The following RNASEH1 variants were observed in gnomAD, a reference collection of about 807,000 sequenced individuals.
RNASEH1 encodes ribonuclease H type II.
A neutral mutation model predicts 34.6 loss-of-function variants in RNASEH1; 27 were observed. The ratio of observed to expected loss-of-function variants is 0.78; its 90% CI spans 0.58 to 1.08. The LOEUF (loss-of-function observed/expected upper bound fraction) is 1.08, where lower values mean the gene tolerates loss of function less well. Ranked by LOEUF, RNASEH1 falls within the 50% of genes least tolerant of loss-of-function variation. The probability of loss-of-function intolerance (pLI) is 0.00; values close to 1 mark genes in which losing one functional copy is unlikely to be tolerated. For missense variants in RNASEH1, 349 were observed against 373.6 expected, an observed-to-expected ratio of 0.93 and a Z score of 0.54; for synonymous variants, 162 against 138.4, an observed-to-expected ratio of 1.17 and a Z score of -1.20.
Position 3,543,798 on chromosome 2 carries a change from G to A in RNASEH1, c.*1987C>T, listed in dbSNP as rs1447516867. On this transcript the variant is annotated 3_prime_UTR_variant, in exon 8 of 8. Transcript: ENST00000315212. ...CCTGATTTTATTTTAATTTTCTGTA[G>A]AGACAGGGTGTCACTATGTTGCCCA... Among the ~76,000 whole-genome samples the A allele has an allele frequency of 2.0e-5, 3 of 152,036 alleles. No homozygotes were observed. Among genetic ancestry groups the A allele is most frequent in the Non-Finnish European group, 2.9e-5 (2 of 68,026 alleles).
rs200628824 is a variant in RNASEH1 at position 3,552,266 on chromosome 2, C to T, written c.287G>A (p.Ser96Asn). The change falls in exon 3 of 8, where the codon AGC (serine) becomes AAC (asparagine). Residue 96 changes from serine (S) to asparagine (N), a missense_variant. Ser to Asn is a conservative substitution (Grantham distance 46). Around this residue, in one of 2 missense-constraint regions of RNASEH1, gnomAD observed 256 missense variants for 240.7 expected, o/e 1.06. Transcript: ENST00000315212. ...QHGQESEAKA[S>N]KRLREPLDGD... Reference sequence around the variant, plus strand: ...ATCCAGTGGCTCACGGAGTCGCTTGCTGGCTTTCGCCTCCGATTCTTGTCC... The same window carrying T: ...ATCCAGTGGCTCACGGAGTCGCTTGTTGGCTTTCGCCTCCGATTCTTGTCC... 7 of 1,613,782 alleles carry T rather than the reference C, an allele frequency of 4.3e-6. No homozygotes were observed. The South Asian group carries it at 6.6e-5, about 15-fold the overall frequency.
chr2:3,556,995 C>T, intron 1 of RNASEH1, 91 bp from the exon 2 acceptor site: 1 of 943,608 alleles, frequency 1.1e-6, no homozygotes, highest in Admixed American at 2.0e-5. Context: ...TACAGTTGTC[C>T]CTTGGTATCT....
At position 3,556,880 on chromosome 2, in the gene RNASEH1, G is replaced by C; in HGVS notation, c.153C>G (p.Asp51Glu). Reference sequence around the variant, plus strand: ...TCTTAAATCTGGCAGCAGGAAACCGGTCCACCTGTGCTCTGCACTCATTCC... The same window carrying C: ...TCTTAAATCTGGCAGCAGGAAACCGCTCCACCTGTGCTCTGCACTCATTCC... ...LTWNECRAQVDRFPAARFKKF... is the reference protein window; with the variant it reads ...LTWNECRAQVERFPAARFKKF... The change falls in exon 2 of 8, where the codon GAC becomes GAG. Residue 51 changes from aspartate to glutamate, a missense_variant. Coordinates refer to ENST00000315212, the MANE Select transcript of RNASEH1 (RefSeq NM_002936.6). 2 of 1,613,846 alleles carry C rather than the reference G, an allele frequency of 1.2e-6. No individual in the cohort carries two copies. Among genetic ancestry groups the C allele is most frequent in the Non-Finnish European group, 8.5e-7 (1 of 1,179,744 alleles).
Position 3,545,762 on chromosome 2 carries a change from C to T in RNASEH1, c.*23G>A, listed in dbSNP as rs989371337. The stretch of plus-strand genomic sequence containing the variant: ...CAAGACAGCCGCTGGCTCAAGTTCT[C>T]CCAAGGACTAAAGTCACATGGCTCA... On this transcript the variant is annotated 3_prime_UTR_variant, in exon 8 of 8. Transcript: ENST00000315212. 6.4e-7 allele frequency: 1 copy of T among 1,570,596 alleles called. No individual in the cohort carries two copies. Among genetic ancestry groups the T allele is most frequent in the Admixed American group, 1.7e-5 (1 of 59,968 alleles).
chr2:3,556,753 A>T, intron 2 of RNASEH1, 36 bp downstream of exon 2: 1 of 1,408,444 alleles, frequency 7.1e-7, no homozygotes, highest in East Asian at 2.3e-5. Flanking sequence ...GCCTTTGAAT[A>T]GGTTAAAATG....
chr2:3,539,995 G>A (rs563435021), downstream of RNASEH1, among the ~76,000 whole-genome samples: 172 of 151,844 alleles, frequency 1.1e-3, no homozygotes, highest in Non-Finnish European at 1.9e-3. Context: ...CTACAAGATG[G>A]CAGAGTGGCT....
intron 2 of RNASEH1, among the ~76,000 whole-genome samples, chr2:3,556,165 G>C (rs1011357304): frequency 6.6e-6 from 1 of 151,134 alleles, no homozygotes; most frequent in African/African-American, 2.4e-5. Flanking sequence ...CAGAGACTCT[G>C]TCTCAAGGAA....
chr2:3,532,377 T>C, the RNASEH1 span: 1 of 701,870 alleles, frequency 1.4e-6, no homozygotes, highest in South Asian at 1.5e-5. Flanking sequence ...GAGGGCCCGA[T>C]CAGAACGTTC....
rs774009217 is a variant in RNASEH1 at position 3,558,290 on chromosome 2, G to A, written c.-30C>T. The stretch of plus-strand genomic sequence containing the variant: ...CACTCCCGGCACCGGGAAGCATTTC[G>A]ACTCCCGGCCCAGCGTGGGCGCGAG... On this transcript the variant is annotated 5_prime_UTR_variant, in exon 1 of 8. Transcript: ENST00000315212. 14 of 1,521,578 alleles carry A rather than the reference G, an allele frequency of 9.2e-6. No homozygotes were observed. Among genetic ancestry groups the A allele is most frequent in the Non-Finnish European group, 1.1e-5 (12 of 1,139,074 alleles). 94.3% of individuals were successfully genotyped at this position (1,521,578 alleles called of 1,614,324 possible). A position where few individuals can be genotyped will look rare whatever the true frequency, so the allele number is the denominator to read the frequency against.
the RNASEH1 span, among the ~76,000 whole-genome samples, chr2:3,534,663 G>A: frequency 2.0e-5 from 3 of 152,374 alleles, no homozygotes; most frequent in Non-Finnish European, 2.9e-5. Flanking sequence ...GGTGCAAGCC[G>A]AGCACAGCCC....
At chr2:3,552,455 G>A (rs1660044638) in intron 2 of RNASEH1, 147 bp from the exon 3 acceptor site, 1 of 706,494 alleles carries the variant, frequency 1.4e-6, no homozygotes, top group Non-Finnish European at 2.2e-6. Flanking sequence ...AGGGAAACGA[G>A]GGAATGACCC....
rs1355562631 is a variant in RNASEH1, at chr2:3,544,762, T to C, written c.*1023A>G. On this transcript the variant is annotated 3_prime_UTR_variant, in exon 8 of 8. Transcript: ENST00000315212. ...AGGTTTAAAACTAAATAAATAATCA[T>C]GTCAAACTTTTACTACTTTTTTTTT... The C allele has an allele frequency of 6.6e-6, 1 of 152,036 alleles. No individual in the cohort carries two copies. The highest frequency in any genetic ancestry group is 2.1e-4 in the South Asian group (1 of 4,822). The allele number at this position is 152,036 out of a possible 1,614,324, so 9.4% of individuals were successfully genotyped here.
At chr2:3,535,428 TAAAA>T in the RNASEH1 span, among the ~76,000 whole-genome samples, 1 of 114,668 alleles carries the variant, frequency 8.7e-6, no homozygotes. Flanking sequence ...CTATCCTGTC[TAAAA>T]AAAAAAAAAA....
intron 7 of RNASEH1, among the ~76,000 whole-genome samples, chr2:3,547,439 G>A (rs1202589507): frequency 1.3e-5 from 2 of 150,870 alleles, no homozygotes; most frequent in African/African-American, 4.9e-5. Flanking sequence ...GCCTCCTAAA[G>A]TGCTGGGTTA....
chr2:3,556,040 G>A (rs1360959360), intron 2 of RNASEH1, among the ~76,000 whole-genome samples: 2 of 152,018 alleles, frequency 1.3e-5, no homozygotes, highest in Non-Finnish European at 2.9e-5. Context: ...CGGGCGTGGT[G>A]GCACGCACCT....
rs1572286673 is a variant in RNASEH1, at chr2:3,545,064, T to C, written c.*721A>G. The C allele has an allele frequency of 2.0e-5, 3 of 151,634 alleles. No individual in the cohort carries two copies. The South Asian group carries it at 6.2e-4, about 32-fold the overall frequency. The allele number at this position is 151,634 out of a possible 1,614,324, so 9.4% of individuals were successfully genotyped here. On this transcript the variant is annotated 3_prime_UTR_variant, in exon 8 of 8. Coordinates refer to ENST00000315212, the MANE Select transcript of RNASEH1 (RefSeq NM_002936.6). ...TGCTAGGATTACAGAAGTGAGCCACTGTGCCCAGCCGGTGTCTTACTTTTT... is the reference window on the plus strand; with the variant it reads ...TGCTAGGATTACAGAAGTGAGCCACCGTGCCCAGCCGGTGTCTTACTTTTT...
chr2:3,539,377 T>A (rs1330529503), downstream of RNASEH1, among the ~76,000 whole-genome samples: 1 of 152,214 alleles, frequency 6.6e-6, no homozygotes, highest in East Asian at 1.9e-4. Flanking sequence ...TACTGGCGGC[T>A]TCCCGTATCA....
intron 1 of RNASEH1, 132 bp downstream of exon 1, chr2:3,558,001 C>G: frequency 6.7e-7 from 1 of 1,486,602 alleles, no homozygotes; most frequent in Non-Finnish European, 9.0e-7. Context: ...GAGGCGGTCC[C>G]CCGACCACCC....
chr2:3,549,548 A>G (rs1572305014), intron 4 of RNASEH1, among the ~76,000 whole-genome samples: 2 of 152,320 alleles, frequency 1.3e-5, no homozygotes, highest in East Asian at 3.9e-4. Context: ...GAGTTTCCTA[A>G]AAGAATGAGC....
Sources: allele counts gnomAD v4.1 joint callset (sites outside exome capture counted in the v4.1 genomes callset), GRCh38; gene constraint gnomAD v4.1.1; regional missense constraint gnomAD v4.1.1; transcripts MANE v1.5; gene names NCBI Gene and HGNC (gene_info 2026-07-23, HGNC 2026-07-21).